The following SMCO2 variants were observed in gnomAD, a reference collection of about 807,000 sequenced individuals.
The protein encoded by SMCO2 is single-pass membrane protein with coiled-coil domains 2.
SMCO2 carries 25 observed loss-of-function variants against 29.5 expected under a neutral mutation model. That is an observed-to-expected ratio of 0.85 (90% CI 0.62 to 1.18). SMCO2 has a LOEUF of 1.18. SMCO2 is among the 50% of genes most tolerant of loss of function. The pLI is 0.00. For missense variants in SMCO2, 348 were observed against 344.5 expected (o/e 1.01, Z -0.08); for synonymous variants, 117 against 123.3 (o/e 0.95, Z 0.34).
intron 6 of SMCO2, 74 bp from the exon 8 acceptor site, chr12:27,495,606 C>T: frequency 1.5e-6 from 2 of 1,327,620 alleles, no homozygotes; most frequent in Non-Finnish European, 9.9e-7. Flanking sequence ...AGGAAAAGCA[C>T]TCAGCATTAT....
At position 27,486,959 on chromosome 12, in the gene SMCO2, A is replaced by C. The variant is rs146244455; in HGVS notation, c.363-1501A>C. Among the ~76,000 whole-genome samples the C allele has an allele frequency of 2.2e-3, 328 of 152,304 alleles. 1 individual carries two copies. Among genetic ancestry groups the C allele is most frequent in the African/African-American group, 7.5e-3 (311 of 41,554 alleles). ...TAATTATAGATTCATAGGAGGTTTCAAAAATATATATGCAAGGAACCCTTA... is the reference window on the plus strand; with the variant it reads ...TAATTATAGATTCATAGGAGGTTTCCAAAATATATATGCAAGGAACCCTTA... On this transcript the variant is annotated intron_variant, in intron 4 of 7. Coordinates refer to ENST00000298876, the Ensembl canonical transcript of SMCO2.
intron 4 of SMCO2, among the ~76,000 whole-genome samples, chr12:27,487,058 A>G (rs1393454634): frequency 1.3e-5 from 2 of 152,230 alleles, no homozygotes; most frequent in Admixed American, 1.3e-4. Context: ...TGACATTGGT[A>G]CAATCCAGAG....
chr12:27,477,496 G>T lies in SMCO2; in HGVS notation c.362+2583G>T, dbSNP rs532592689. Among the ~76,000 whole-genome samples the T allele has an allele frequency of 8.6e-5, 13 of 151,786 alleles. No individual in the cohort carries two copies. In the South Asian group the frequency reaches 2.1e-3, roughly 24 times the overall value. ...GTCTATCTCTTGCAAGACTTTGGAA[G>T]TTTTTAGCTATTATTTCATTAAATT... On this transcript the variant is annotated intron_variant, in intron 4 of 7. Transcript: ENST00000298876.
chr12:27,467,515 A>T (rs1949507334), intron 1 of SMCO2, among the ~76,000 whole-genome samples: 1 of 151,748 alleles, frequency 6.6e-6, no homozygotes, highest in Admixed American at 6.6e-5. Flanking sequence ...TCAAGCTCCC[A>T]GGAAGCGCTG....
chr12:27,473,021 G>C, intron 3 of SMCO2, 146 bp downstream of exon 3: 1 of 628,758 alleles, frequency 1.6e-6, no homozygotes, highest in African/African-American at 1.8e-5. Context: ...TTGAAATCAG[G>C]AGGGAGGCAG....
intron 7 of SMCO2, among the ~76,000 whole-genome samples, chr12:27,501,641 C>A (rs1474438854): frequency 6.7e-6 from 1 of 150,136 alleles, no homozygotes; most frequent in African/African-American, 2.5e-5. Context: ...ATTGCAATAA[C>A]CTGCTAGGAT....
At chr12:27,475,728 A>G (rs1233595558) in intron 4 of SMCO2, 5 of 1,545,582 alleles carry the variant, frequency 3.2e-6, no homozygotes, top group South Asian at 1.2e-5. Flanking sequence ...AACACAGTGA[A>G]GAGGTAATTG....
At chr12:27,436,626 C>A in the SMCO2 span, among the ~76,000 whole-genome samples, 1 of 152,140 alleles carries the variant, frequency 6.6e-6, no homozygotes, top group East Asian at 1.9e-4. Context: ...CTAAGGTTGA[C>A]TCTGTATGAA....
chr12:27,448,850 C>T, the SMCO2 span, among the ~76,000 whole-genome samples: 1 of 152,148 alleles, frequency 6.6e-6, no homozygotes. Flanking sequence ...CTCTAAACCC[C>T]TCAATCTCCC....
chr12:27,456,582 C>T, the SMCO2 span, among the ~76,000 whole-genome samples: 1 of 152,140 alleles, frequency 6.6e-6, no homozygotes, highest in African/African-American at 2.4e-5. Context: ...CTGCACCCGA[C>T]TATTGTGTGG....
exon 7 of SMCO2, chr12:27,495,789 A>G: frequency 1.3e-6 from 2 of 1,539,294 alleles, no homozygotes; most frequent in Admixed American, 2.0e-5. Context: ...GAAGAGATGG[A>G]GGCCCTGCTT....
intron 1 of SMCO2, 132 bp from the exon 2 acceptor site, chr12:27,470,490 T>C: frequency 1.1e-6 from 1 of 935,026 alleles, no homozygotes; most frequent in Non-Finnish European, 1.5e-6. Context: ...TCCTTTACGA[T>C]GAACAGCCAG....
At chr12:27,481,557 C>A (rs1470706225) in intron 4 of SMCO2, among the ~76,000 whole-genome samples, 1 of 152,204 alleles carries the variant, frequency 6.6e-6, no homozygotes, top group Non-Finnish European at 1.5e-5. Context: ...GGTATAATTT[C>A]TTCCTTAAAT....
chr12:27,467,067 G>A (rs1399205020), intron 1 of SMCO2: 1 of 152,086 alleles, frequency 6.6e-6, no homozygotes, highest in Non-Finnish European at 1.5e-5. Flanking sequence ...CCATGGCTTT[G>A]ACAAATTTCT....
chr12:27,441,235 G>A, the SMCO2 span, among the ~76,000 whole-genome samples: 1 of 152,132 alleles, frequency 6.6e-6, no homozygotes, highest in Non-Finnish European at 1.5e-5. Flanking sequence ...CTCCAGCCTG[G>A]GCAACAGAGT....
chr12:27,453,632 C>T, the SMCO2 span, among the ~76,000 whole-genome samples: 2 of 152,170 alleles, frequency 1.3e-5, no homozygotes, highest in African/African-American at 4.8e-5. Flanking sequence ...GTTGCCTCTC[C>T]TCCCTCTATC....
the SMCO2 span, among the ~76,000 whole-genome samples, chr12:27,425,479 C>T: frequency 6.6e-6 from 1 of 152,130 alleles, no homozygotes; most frequent in African/African-American, 2.4e-5. Context: ...TCCTTGTGCT[C>T]ACGTCAGACT....
chr12:27,475,143 T>C (rs1949574084), intron 4 of SMCO2, among the ~76,000 whole-genome samples: 1 of 152,158 alleles, frequency 6.6e-6, no homozygotes, highest in Admixed American at 6.5e-5. Context: ...CAAACTCTTC[T>C]TTGAGGCCTG....
chr12:27,456,232 C>T, the SMCO2 span, among the ~76,000 whole-genome samples: 1 of 152,076 alleles, frequency 6.6e-6, no homozygotes, highest in Non-Finnish European at 1.5e-5. Flanking sequence ...AACGAAATAA[C>T]AAAGAAGTAT....
Sources: gnomAD v4.1 joint callset for allele counts (sites outside exome capture counted in the v4.1 genomes callset) on GRCh38, gnomAD v4.1.1 for gene constraint, MANE v1.5 for transcripts, NCBI Gene and HGNC (gene_info 2026-07-23, HGNC 2026-07-21) for gene names.